SERINC1: variants seen among roughly 807,000 people sequenced by gnomAD.
SERINC1 encodes the protein tumor differentially expressed protein 2.
Under a neutral mutation model 52.9 loss-of-function variants are expected in SERINC1, and 38 were observed. The observed-to-expected ratio is 0.72, with a 90% CI of 0.55 to 0.94. The LOEUF (loss-of-function observed/expected upper bound fraction) is 0.94. Ranked by LOEUF, SERINC1 falls within the 40% of genes least tolerant of loss-of-function variation. The probability of loss-of-function intolerance (pLI) is 0.00; values close to 1 mark genes in which losing one functional copy is unlikely to be tolerated. For synonymous variants in SERINC1, 198 were observed against 183.1 expected (o/e 1.08, Z -0.66); for missense variants, 471 against 533.9 (o/e 0.88, Z 1.16).
chr6:122,471,615 G>T, intron 1 of SERINC1, 84 bp downstream of exon 1: 2 of 1,565,062 alleles, frequency 1.3e-6, no homozygotes, highest in Non-Finnish European at 1.8e-6. Flanking sequence ...CCACATTCCC[G>T]CCGGGCTCAC....
rs1016750041 is a variant in SERINC1, at chr6:122,444,825, C to A, written c.*219G>T. 41 of 519,128 alleles carry A rather than the reference C, an allele frequency of 7.9e-5. No homozygotes were observed. Among genetic ancestry groups the A allele is most frequent in the Admixed American group, 2.9e-4 (8 of 27,380 alleles). The allele number at this position is 519,128 out of a possible 1,614,324, so 32.2% of individuals were successfully genotyped here. A position where few individuals can be genotyped will look rare whatever the true frequency, so the allele number is the denominator to read the frequency against. ...ATAATGGCCACTTTTACTAACTCAT[C>A]ACCATATTCATAAAACTTTCCTCTG... is the stretch of plus-strand genomic sequence containing the variant. On this transcript the variant is annotated 3_prime_UTR_variant, in exon 10 of 10. Transcript: ENST00000339697.
chr6:122,457,454 A>T (rs1455470425), intron 2 of SERINC1, among the ~76,000 whole-genome samples: 1 of 152,134 alleles, frequency 6.6e-6, no homozygotes, highest in African/African-American at 2.4e-5. Context: ...GCTGTATATT[A>T]TTATGGACTT....
Position 122,443,482 on chromosome 6 carries a change from A to C in SERINC1, c.*1562T>G, listed in dbSNP as rs958045803. 3 of 152,240 alleles carry C rather than the reference A, an allele frequency of 2.0e-5. No homozygotes were observed. Among genetic ancestry groups the C allele is most frequent in the Non-Finnish European group, 4.4e-5 (3 of 68,032 alleles). The allele number at this position is 152,240 out of a possible 1,614,324, so 9.4% of individuals were successfully genotyped here. On this transcript the variant is annotated 3_prime_UTR_variant, in exon 10 of 10. Transcript: ENST00000339697. ...TCCATTCACATTAATAAATATTTTT[A>C]AAGAAGAAATTGTAGATTTTAAAAG... is the stretch of plus-strand genomic sequence containing the variant.
rs756498692 is a variant in SERINC1, at chr6:122,446,883, G to A, written c.1117C>T (p.Arg373Ter). 20 of 1,613,084 alleles carry A rather than the reference G, an allele frequency of 1.2e-5. No individual in the cohort carries two copies. The highest frequency in any genetic ancestry group is 2.7e-5 in the African/African-American group (2 of 74,882). Residue 373 changes from arginine to a stop codon, truncating the protein, a stop_gained, in exon 9 of 10, where the codon CGA becomes TGA. Transcript: ENST00000339697. LOFTEE classifies it high-confidence loss of function. ...GSLEDGDDVH[R>*]AVDNERDGVT... ...CCATCCCTTTCATTATCTACAGCTC[G>A]GTGAACATCGTCCCCATCCTCCAGT... is the stretch of plus-strand genomic sequence containing the variant.
chr6:122,454,411 A>G lies in SERINC1; in HGVS notation c.372-181T>C, dbSNP rs1212885139. 5.6e-6 allele frequency: 3 copies of G among 531,512 alleles called. No homozygotes were observed. The East Asian group carries it at 1.0e-4, about 18-fold the overall frequency. The allele number at this position is 531,512 out of a possible 1,614,324, so 32.9% of individuals were successfully genotyped here. ...GTAACTACAAAACAAGGTAATCATC[A>G]TATTTAGATAACATAGTTTGGAGAG... is the stretch of plus-strand genomic sequence containing the variant. On this transcript the variant is annotated intron_variant, in intron 3 of 9. Coordinates refer to ENST00000339697, the MANE Select transcript of SERINC1 (RefSeq NM_020755.4).
intron 1 of SERINC1, among the ~76,000 whole-genome samples, chr6:122,464,172 T>C (rs187228541): frequency 6.6e-6 from 1 of 152,292 alleles, no homozygotes; most frequent in Admixed American, 6.5e-5. Flanking sequence ...GGATGATCGA[T>C]GTTCCAAAAC....
intron 1 of SERINC1, among the ~76,000 whole-genome samples, chr6:122,466,996 G>A (rs1322739905): frequency 1.3e-5 from 2 of 152,162 alleles, no homozygotes; most frequent in African/African-American, 4.8e-5. Flanking sequence ...GAGGGAAAAT[G>A]ACTTCCAATC....
intron 3 of SERINC1, among the ~76,000 whole-genome samples, chr6:122,456,192 A>G (rs1045365799): frequency 6.6e-6 from 1 of 152,182 alleles, no homozygotes; most frequent in Non-Finnish European, 1.5e-5. Context: ...TAAAGTTAAC[A>G]GTAGAAGGAG....
At chr6:122,458,390 G>T (rs960204717) in intron 2 of SERINC1, 130 bp downstream of exon 2, 3 of 544,702 alleles carry the variant, frequency 5.5e-6, no homozygotes, top group African/African-American at 3.9e-5. Flanking sequence ...AAAAGATTAT[G>T]AACTACAACT....
At chr6:122,470,451 A>C (rs562000608) in intron 1 of SERINC1, among the ~76,000 whole-genome samples, 124 of 152,350 alleles carry the variant, frequency 8.1e-4, no homozygotes, top group African/African-American at 2.9e-3. Flanking sequence ...AACATCTTCC[A>C]ATAAAAAACC....
chr6:122,467,472 G>A (rs1175467007), intron 1 of SERINC1, among the ~76,000 whole-genome samples: 1 of 152,130 alleles, frequency 6.6e-6, no homozygotes, highest in Non-Finnish European at 1.5e-5. Context: ...TGGGTGTGGT[G>A]GCACATGCCT....
rs189794154 is a variant in SERINC1, at chr6:122,455,404, A to C, written c.371+1077T>G. 8.7e-4 allele frequency among the ~76,000 whole-genome samples: 132 copies of C among 152,202 alleles called. 2 individuals are homozygous for C. The East Asian group carries it at 0.023, about 27-fold the overall frequency. ...GGCTAGAATATAAAGCAGGCAAAAA[A>C]AAAAAGTGAAAAGACTAGACTGGCC... On this transcript the variant is annotated intron_variant, in intron 3 of 9. Transcript: ENST00000339697.
At position 122,446,957 on chromosome 6, in the gene SERINC1, C is replaced by T; in HGVS notation, c.1043G>A (p.Ser348Asn). The change falls in exon 9 of 10, where the codon AGT becomes AAT. Residue 348 changes from serine to asparagine, a missense_variant. Transcript: ENST00000339697. ...ATCTTCTATTAATGTAGATTCATCA[C>T]TTGTTAGAGTCAGTTTATTAACCTG... is the stretch of plus-strand genomic sequence containing the variant. ...NSQVNKLTLT[S>N]DESTLIEDGG... 6.2e-7 allele frequency: 1 copy of T among 1,613,640 alleles called. No individual in the cohort carries two copies. Among genetic ancestry groups the T allele is most frequent in the Non-Finnish European group, 8.5e-7 (1 of 1,179,588 alleles).
chr6:122,448,656 T>G (rs1464245972), intron 7 of SERINC1, among the ~76,000 whole-genome samples: 2 of 152,198 alleles, frequency 1.3e-5, no homozygotes, highest in African/African-American at 4.8e-5. Flanking sequence ...TGTTCACAAT[T>G]GAATCAACAG....
intron 1 of SERINC1, among the ~76,000 whole-genome samples, chr6:122,469,971 G>C (rs1775249298): frequency 6.6e-6 from 1 of 152,144 alleles, no homozygotes; most frequent in Non-Finnish European, 1.5e-5. Context: ...ATGACTATTG[G>C]CCTGCAGTAA....
intron 1 of SERINC1, among the ~76,000 whole-genome samples, chr6:122,462,980 G>C (rs1775128970): frequency 6.6e-6 from 1 of 151,958 alleles, no homozygotes; most frequent in African/African-American, 2.4e-5. Context: ...TAGCTGAACA[G>C]GCAAAAAACA....
chr6:122,447,055 G>C (rs1774819521), intron 8 of SERINC1, 51 bp from the exon 9 acceptor site: 1 of 1,577,982 alleles, frequency 6.3e-7, no homozygotes, highest in African/African-American at 1.4e-5. Flanking sequence ...ATTTTTAAAA[G>C]AAATGATTCA....
rs769178844 is a variant in SERINC1 at position 122,458,640 on chromosome 6, T to G, written c.81A>C (p.Arg27=). ...TGGAGTTGTTTCCACTAGGACAGCA[T>G]CGGCATAGCAAACACGGGGCACTTC... ...LCGSAPCLLC[R]CCPSGNNSTV... The change falls in exon 2 of 10, where the codon CGA becomes CGC. Residue 27 remains arginine (R), a synonymous_variant. Coordinates refer to ENST00000339697, the MANE Select transcript of SERINC1 (RefSeq NM_020755.4). The G allele has an allele frequency of 6.2e-7, 1 of 1,610,740 alleles. No individual in the cohort carries two copies. The highest frequency in any genetic ancestry group is 1.1e-5 in the South Asian group (1 of 90,522).
intron 7 of SERINC1, among the ~76,000 whole-genome samples, chr6:122,448,868 A>G (rs1472553975): frequency 1.3e-5 from 2 of 151,580 alleles, no homozygotes; most frequent in Non-Finnish European, 2.9e-5. Flanking sequence ...CCCTGCATTA[A>G]ACAAGTCTAT....
Sources: gnomAD v4.1 joint callset for allele counts (sites outside exome capture counted in the v4.1 genomes callset) on GRCh38, gnomAD v4.1.1 for gene constraint, MANE v1.5 for transcripts, NCBI Gene and HGNC (gene_info 2026-07-23, HGNC 2026-07-21) for gene names.